MTUS2: variants seen among roughly 807,000 people sequenced by gnomAD.
MTUS2 encodes the protein microtubule-associated tumor suppressor candidate 2.
MTUS2 carries 40 observed loss-of-function variants against 114.1 expected under a neutral mutation model. The observed-to-expected ratio is 0.35, with a 90% confidence interval of 0.27 to 0.46. The LOEUF (loss-of-function observed/expected upper bound fraction) is 0.46. Among genes scored for constraint, MTUS2 ranks in the 20% least tolerant of loss-of-function variants. The pLI is 1.00. For missense variants in MTUS2, 1,679 were observed against 1,705.4 expected (o/e 0.98, Z 0.27); for synonymous variants, 688 against 672.0 (o/e 1.02, Z -0.37).
At chr13:29,242,447 C>T (rs1267930052) in intron 5 of MTUS2, 3 of 171,742 alleles carry the variant, frequency 1.7e-5, no homozygotes, top group Non-Finnish European at 2.5e-5. Context: ...GATATACTAC[C>T]TTGTATCTAT....
chr13:28,846,707 C>A (rs1424415008), intron 2 of MTUS2, among the ~76,000 whole-genome samples: 1 of 152,156 alleles, frequency 6.6e-6, no homozygotes, highest in Non-Finnish European at 1.5e-5. Context: ...AGAAAATGCC[C>A]TCTTAAAGAA....
chr13:29,441,551 G>A (rs1877873890), intron 9 of MTUS2, among the ~76,000 whole-genome samples: 1 of 152,050 alleles, frequency 6.6e-6, no homozygotes, highest in Admixed American at 6.5e-5. Flanking sequence ...CTTCACCAAT[G>A]TGGCCACGCC....
At position 29,168,029 on chromosome 13, in the gene MTUS2, A is replaced by G. The variant is rs182802614; in HGVS notation, c.2644+67059A>G. 3.3e-5 allele frequency among the ~76,000 whole-genome samples: 5 copies of G among 152,360 alleles called. No individual in the cohort carries two copies. In the East Asian group the frequency reaches 9.6e-4, roughly 29 times the overall value. ...TGTTGAACTGACATCATTTTAAATT[A>G]TATCAGCTGACATTTCATGTATCTT... On this transcript the variant is annotated intron_variant, in intron 5 of 15. Coordinates refer to ENST00000612955, the MANE Select transcript of MTUS2 (RefSeq NM_001033602.4).
At chr13:28,996,183 T>C (rs951087862) in intron 2 of MTUS2, among the ~76,000 whole-genome samples, 2,697 of 152,330 alleles carry the variant, frequency 0.018, 83 homozygotes, top group African/African-American at 0.061. Context: ...TGGTTCTGTT[T>C]ATATGCTGGA....
chr13:29,032,135 G>A (rs1397658407), intron 3 of MTUS2, among the ~76,000 whole-genome samples: 2 of 152,136 alleles, frequency 1.3e-5, no homozygotes, highest in Non-Finnish European at 2.9e-5. Flanking sequence ...GAAGCTTTCT[G>A]TAGATTCCCT....
intron 2 of MTUS2, among the ~76,000 whole-genome samples, chr13:28,884,795 T>C (rs1198986681): frequency 2.6e-5 from 4 of 152,220 alleles, no homozygotes; most frequent in Admixed American, 6.5e-5. Context: ...TTCCTGTGAA[T>C]GAATGTATAG....
Position 29,249,730 on chromosome 13 carries a change from A to C in MTUS2, c.2645-31974A>C, listed in dbSNP as rs192328483. Reference sequence around the variant, plus strand: ...GACCTTTGTCAGATGGGTGTTTTCCAAAAATTTTCTCCCATTCCGGTAGGT... The same window carrying C: ...GACCTTTGTCAGATGGGTGTTTTCCCAAAATTTTCTCCCATTCCGGTAGGT... On this transcript the variant is annotated intron_variant, in intron 5 of 15. Transcript: ENST00000612955. Among the ~76,000 whole-genome samples, 199 of 152,304 alleles carry C rather than the reference A, an allele frequency of 1.3e-3. 1 individual carries two copies. The highest frequency in any genetic ancestry group is 1.9e-3 in the South Asian group (9 of 4,826).
intron 5 of MTUS2, among the ~76,000 whole-genome samples, chr13:29,227,540 T>C (rs927709426): frequency 6.6e-6 from 1 of 152,210 alleles, no homozygotes. Flanking sequence ...TTGAATTTGC[T>C]TCTAAGACAG....
At chr13:29,177,679 C>T (rs1893831686) in intron 5 of MTUS2, among the ~76,000 whole-genome samples, 1 of 152,186 alleles carries the variant, frequency 6.6e-6, no homozygotes, top group African/African-American at 2.4e-5. Context: ...GGTAATCCTA[C>T]TTCCTTCCTG....
chr13:29,379,443 C>G (rs1316661035), intron 8 of MTUS2, among the ~76,000 whole-genome samples: 4 of 152,126 alleles, frequency 2.6e-5, no homozygotes, highest in African/African-American at 7.2e-5. Context: ...CTACATGGAC[C>G]TGACCACCAA....
At chr13:29,451,209 A>T (rs962915773) in intron 9 of MTUS2, among the ~76,000 whole-genome samples, 1 of 152,250 alleles carries the variant, frequency 6.6e-6, no homozygotes, top group Non-Finnish European at 1.5e-5. Flanking sequence ...AAACTTCAAC[A>T]AATATAAAAG....
At chr13:29,438,689 C>A (rs1282717780) in intron 8 of MTUS2, among the ~76,000 whole-genome samples, 1 of 152,178 alleles carries the variant, frequency 6.6e-6, no homozygotes, top group African/African-American at 2.4e-5. Context: ...TACCTTCAGA[C>A]TATAGCAGGG....
At chr13:29,318,252 T>C (rs1900093337) in intron 6 of MTUS2, among the ~76,000 whole-genome samples, 1 of 150,904 alleles carries the variant, frequency 6.6e-6, no homozygotes, top group Non-Finnish European at 1.5e-5. Flanking sequence ...ATAAAAATGT[T>C]TTAGGTTTTT....
chr13:29,397,561 A>C (rs1409656809), intron 8 of MTUS2, among the ~76,000 whole-genome samples: 1 of 152,216 alleles, frequency 6.6e-6, no homozygotes, highest in African/African-American at 2.4e-5. Context: ...GCATTCTAGC[A>C]AGAGCCCCAG....
chr13:29,002,463 C>G (rs1390974868), intron 2 of MTUS2, among the ~76,000 whole-genome samples: 1 of 152,100 alleles, frequency 6.6e-6, no homozygotes, highest in Non-Finnish European at 1.5e-5. Context: ...ATTTGATTAT[C>G]TATTACAAAG....
chr13:29,441,731 G>A (rs1877891394), intron 9 of MTUS2, among the ~76,000 whole-genome samples: 1 of 152,118 alleles, frequency 6.6e-6, no homozygotes, highest in Admixed American at 6.5e-5. Context: ...GTGGAGCCAT[G>A]GGTCCCATGT....
chr13:29,290,871 A>G (rs985242275), intron 6 of MTUS2, among the ~76,000 whole-genome samples: 1 of 152,184 alleles, frequency 6.6e-6, no homozygotes, highest in Non-Finnish European at 1.5e-5. Flanking sequence ...AGCACCAACA[A>G]TGGGCCCAGC....
At chr13:29,255,782 C>G (rs74041786) in intron 5 of MTUS2, among the ~76,000 whole-genome samples, 1,544 of 152,164 alleles carry the variant, frequency 0.01, 19 homozygotes, top group African/African-American at 0.036. Flanking sequence ...GGAGGTGAAC[C>G]CAGAGCTAAT....
At chr13:29,420,404 A>G (rs1047097623) in intron 8 of MTUS2, among the ~76,000 whole-genome samples, 11 of 151,540 alleles carry the variant, frequency 7.3e-5, no homozygotes, top group Admixed American at 5.9e-4. Flanking sequence ...CAGCCTCCCA[A>G]GTAGCTGGGA....
Sources: allele counts gnomAD v4.1 joint callset (sites outside exome capture counted in the v4.1 genomes callset), GRCh38; gene constraint gnomAD v4.1.1; transcripts MANE v1.5; gene names NCBI Gene and HGNC (gene_info 2026-07-23, HGNC 2026-07-21).